Variants in NOX3 observed in about 807,000 individuals in gnomAD.
NOX3 encodes the protein NADPH oxidase catalytic subunit-like 3.
In NOX3, 74 loss-of-function variants were observed where a neutral mutation model predicts 76.7. The ratio of observed to expected loss-of-function variants is 0.96; its 90% CI spans 0.80 to 1.17. The LOEUF is 1.17. Among genes scored for constraint, NOX3 ranks in the 50% most tolerant of loss-of-function variants. NOX3 has a pLI of 0.00. For synonymous variants in NOX3, 263 were observed against 261.1 expected (o/e 1.01, Z -0.07); for missense variants, 695 against 703.3 (o/e 0.99, Z 0.13).
intron 12 of NOX3, among the ~76,000 whole-genome samples, chr6:155,401,436 T>A (rs1275582277): frequency 6.6e-6 from 1 of 152,214 alleles, no homozygotes; most frequent in Non-Finnish European, 1.5e-5. Context: ...GTTTAGGATA[T>A]CCTGTTAGAT....
Position 155,436,402 on chromosome 6 carries a change from C to T in NOX3, c.798+16G>A. 6.2e-7 allele frequency: 1 copy of T among 1,613,760 alleles called. No homozygotes were observed. The highest frequency in any genetic ancestry group is 8.5e-7 in the Non-Finnish European group (1 of 1,179,802). On this transcript the variant is annotated intron_variant, in intron 7 of 13. Coordinates refer to ENST00000159060, the MANE Select transcript of NOX3 (RefSeq NM_015718.3). Reference sequence around the variant, plus strand: ...TGGTGACATTTATTTTTAAAAGCTCCTGGGTTCATTCTTACCGAGGGTTCC... The same window carrying T: ...TGGTGACATTTATTTTTAAAAGCTCTTGGGTTCATTCTTACCGAGGGTTCC...
intron 9 of NOX3, among the ~76,000 whole-genome samples, chr6:155,424,525 A>G (rs145773372): frequency 1.3e-4 from 20 of 152,352 alleles, no homozygotes; most frequent in African/African-American, 4.8e-4. Context: ...TGTCTGTTGA[A>G]GACACCGGAG....
intron 11 of NOX3, among the ~76,000 whole-genome samples, 182 bp from the exon 12 acceptor site, chr6:155,407,436 T>G (rs566273771): frequency 6.6e-6 from 1 of 152,364 alleles, no homozygotes; most frequent in South Asian, 2.1e-4. Context: ...TCATATCTCA[T>G]TTATGTCTGA....
rs187772346 is a variant in NOX3 at position 155,416,358 on chromosome 6, C to T, written c.1309-4998G>A. Among the ~76,000 whole-genome samples the T allele has an allele frequency of 9.2e-5, 14 of 152,300 alleles. No homozygotes were observed. In the East Asian group the frequency reaches 2.5e-3, roughly 27 times the overall value. Reference sequence around the variant, plus strand: ...TGGTGTTTAGAAAATATATTACCTCCTCAATAAATGATCACTCTTATTGTC... The same window carrying T: ...TGGTGTTTAGAAAATATATTACCTCTTCAATAAATGATCACTCTTATTGTC... On this transcript the variant is annotated intron_variant, in intron 10 of 13. Coordinates refer to ENST00000159060, the MANE Select transcript of NOX3 (RefSeq NM_015718.3).
chr6:155,396,178 G>A (rs1297826400), intron 13 of NOX3, among the ~76,000 whole-genome samples: 1 of 152,132 alleles, frequency 6.6e-6, no homozygotes, highest in South Asian at 2.1e-4. Flanking sequence ...CCAGAAAAGG[G>A]ATAGGAAAGG....
intron 8 of NOX3, 72 bp from the exon 9 acceptor site, chr6:155,429,119 G>T: frequency 7.1e-7 from 1 of 1,399,456 alleles, no homozygotes; most frequent in Non-Finnish European, 9.4e-7. Flanking sequence ...TTCCATCAAA[G>T]GTGTTGAAAA....
intron 12 of NOX3, among the ~76,000 whole-genome samples, chr6:155,400,845 A>C (rs140681464): frequency 3.9e-5 from 6 of 152,220 alleles, no homozygotes; most frequent in African/African-American, 1.4e-4. Flanking sequence ...CACTTGTCCC[A>C]GCTCCCTCAT....
Position 155,399,634 on chromosome 6 carries a change from T to C in NOX3, c.1581-2672A>G, listed in dbSNP as rs570548446. On this transcript the variant is annotated intron_variant, in intron 12 of 13. Transcript: ENST00000159060. ...GCTTACTCTTCTCGGCATTTGTGAC[T>C]CCAAGTATGGAGAACTTCTTGTCAC... Among the ~76,000 whole-genome samples, 460 of 152,134 alleles carry C rather than the reference T, an allele frequency of 3.0e-3. 2 individuals are homozygous for C. Among genetic ancestry groups the C allele is most frequent in the African/African-American group, 0.01 (435 of 41,514 alleles).
intron 10 of NOX3, among the ~76,000 whole-genome samples, chr6:155,416,812 G>T (rs556539213): frequency 7.1e-6 from 1 of 141,828 alleles, no homozygotes; most frequent in African/African-American, 2.6e-5. Context: ...GTGCAGTGGT[G>T]CAATCTCAGT....
intron 6 of NOX3, among the ~76,000 whole-genome samples, chr6:155,437,778 C>A (rs960967081): frequency 6.6e-6 from 1 of 152,170 alleles, no homozygotes; most frequent in Admixed American, 6.5e-5. Flanking sequence ...ACATTTTAAA[C>A]GTTTGAAATG....
intron 9 of NOX3, 68 bp downstream of exon 9, chr6:155,428,726 G>T: frequency 7.3e-7 from 1 of 1,370,324 alleles, no homozygotes; most frequent in Non-Finnish European, 9.6e-7. Flanking sequence ...CAGGTAGCAT[G>T]TTGATACATT....
chr6:155,451,963 T>A (rs374879155), intron 4 of NOX3, among the ~76,000 whole-genome samples: 4 of 152,148 alleles, frequency 2.6e-5, no homozygotes, highest in Non-Finnish European at 1.5e-5. Flanking sequence ...GCTGTTTTTT[T>A]CCCCCTTCTC....
intron 9 of NOX3, among the ~76,000 whole-genome samples, chr6:155,427,137 C>T (rs1312799736): frequency 6.6e-6 from 1 of 151,860 alleles, no homozygotes; most frequent in Non-Finnish European, 1.5e-5. Context: ...TACATTGCTT[C>T]CTTTCCATTA....
intron 5 of NOX3, among the ~76,000 whole-genome samples, chr6:155,442,177 T>C (rs1777001693): frequency 6.6e-6 from 1 of 152,016 alleles, no homozygotes; most frequent in Non-Finnish European, 1.5e-5. Flanking sequence ...GGCAGGAGAA[T>C]AGCGTGAATC....
At chr6:155,437,316 G>C (rs1225961886) in intron 6 of NOX3, among the ~76,000 whole-genome samples, 1 of 152,204 alleles carries the variant, frequency 6.6e-6, no homozygotes, top group Admixed American at 6.5e-5. Flanking sequence ...GAATTGTTCA[G>C]TTCCTAGGTG....
Position 155,407,120 on chromosome 6 carries a change from C to T in NOX3, c.1580+10G>A, listed in dbSNP as rs1381909701. On this transcript the variant is annotated intron_variant, in intron 12 of 13. Coordinates refer to ENST00000159060, the MANE Select transcript of NOX3 (RefSeq NM_015718.3). ...AGCCTGGCAGGGAGAGGAGCAAGAG[C>T]TTGCCTTACCTGGGGTGATTGTAGG... 1 of 1,613,874 alleles carries T rather than the reference C, an allele frequency of 6.2e-7. No individual in the cohort carries two copies. Among genetic ancestry groups the T allele is most frequent in the Admixed American group, 1.7e-5 (1 of 60,010 alleles).
At chr6:155,415,493 A>C (rs182536277) in intron 10 of NOX3, among the ~76,000 whole-genome samples, 1 of 152,320 alleles carries the variant, frequency 6.6e-6, no homozygotes, top group South Asian at 2.1e-4. Context: ...TTATTTACCT[A>C]TGTATTTATT....
At chr6:155,404,818 G>A (rs897472682) in intron 12 of NOX3, among the ~76,000 whole-genome samples, 3 of 152,096 alleles carry the variant, frequency 2.0e-5, no homozygotes, top group Admixed American at 6.5e-5. Context: ...GGCAGTTGAG[G>A]TCTGAGTAAC....
rs375178599 is a variant in NOX3, at chr6:155,402,165, A to G, written c.1580+4965T>C. 5.8e-4 allele frequency among the ~76,000 whole-genome samples: 89 copies of G among 152,360 alleles called. No individual in the cohort carries two copies. In the East Asian group the frequency reaches 6.4e-3, roughly 11 times the overall value. On this transcript the variant is annotated intron_variant, in intron 12 of 13. Coordinates refer to ENST00000159060, the MANE Select transcript of NOX3 (RefSeq NM_015718.3). ...ACAATGTTTACAAAAAATGCAATAC[A>G]GTTTCCATTTTTGAAAAAGATACCT...
Sources: gnomAD v4.1 joint callset for allele counts (sites outside exome capture counted in the v4.1 genomes callset) on GRCh38, gnomAD v4.1.1 for gene constraint, MANE v1.5 for transcripts, NCBI Gene and HGNC (gene_info 2026-07-23, HGNC 2026-07-21) for gene names.